Variants in SNAP91 observed in about 807,000 individuals in gnomAD.
SNAP91 encodes the protein synaptosome associated protein 91.
SNAP91 carries 27 observed loss-of-function variants against 100.3 expected under a neutral mutation model. That is an observed-to-expected ratio of 0.27 (90% confidence interval 0.20 to 0.37). The LOEUF (loss-of-function observed/expected upper bound fraction) is 0.37. Among genes scored for constraint, SNAP91 ranks in the 10% least tolerant of loss-of-function variants. SNAP91 has a pLI of 1.00. For missense variants in SNAP91, 986 were observed against 1,123.7 expected (o/e 0.88, Z 1.75); for synonymous variants, 404 against 398.6 (o/e 1.01, Z -0.16).
chr6:83,660,219 C>A lies in SNAP91; in HGVS notation c.453-1127G>T, dbSNP rs574024941. Among the ~76,000 whole-genome samples, 6 of 152,282 alleles carry A rather than the reference C, an allele frequency of 3.9e-5. No individual in the cohort carries two copies. The South Asian group carries it at 1.2e-3, about 32-fold the overall frequency. ...GAGGTCACAATGCAGCTGGGAACATCAGCAATGGTTGCATGGTGCCATGTA... is the reference window on the plus strand; with the variant it reads ...GAGGTCACAATGCAGCTGGGAACATAAGCAATGGTTGCATGGTGCCATGTA... On this transcript the variant is annotated intron_variant, in intron 5 of 29. Coordinates refer to ENST00000369694, the MANE Select transcript of SNAP91 (RefSeq NM_001242792.2).
chr6:83,704,384 T>C (rs2099353834), intron 2 of SNAP91, among the ~76,000 whole-genome samples: 1 of 152,164 alleles, frequency 6.6e-6, no homozygotes, highest in Admixed American at 6.5e-5. Flanking sequence ...CCATAAAATA[T>C]ATAATCCTTA....
At chr6:83,701,943 G>A (rs760823144) in intron 2 of SNAP91, among the ~76,000 whole-genome samples, 3 of 152,178 alleles carry the variant, frequency 2.0e-5, no homozygotes, top group Non-Finnish European at 4.4e-5. Context: ...TCAAGGAAGA[G>A]TCGTAATTTC....
intron 8 of SNAP91, among the ~76,000 whole-genome samples, chr6:83,634,441 T>C (rs2097347646): frequency 6.6e-6 from 1 of 152,166 alleles, no homozygotes. Context: ...ATTTGGGGTG[T>C]CTTCTGGGTC....
intron 22 of SNAP91, among the ~76,000 whole-genome samples, chr6:83,585,853 CTTTTT>C (rs1045371745): frequency 7.3e-6 from 1 of 137,182 alleles, no homozygotes; most frequent in African/African-American, 2.7e-5. Context: ...TTTTTTCTTT[CTTTTT>C]TTTTTTTTTT....
chr6:83,664,951 G>A (rs983593961), intron 3 of SNAP91, among the ~76,000 whole-genome samples: 1 of 152,032 alleles, frequency 6.6e-6, no homozygotes, highest in Non-Finnish European at 1.5e-5. Flanking sequence ...TCAATATCAG[G>A]GCAAGACCTT....
chr6:83,655,506 G>C (rs1364369169), intron 7 of SNAP91, among the ~76,000 whole-genome samples: 2 of 152,144 alleles, frequency 1.3e-5, no homozygotes, highest in Admixed American at 1.3e-4. Context: ...CTTTGGAGTA[G>C]GGCTATGTCT....
chr6:83,647,803 A>C (rs1311028812), intron 7 of SNAP91, among the ~76,000 whole-genome samples: 3 of 152,128 alleles, frequency 2.0e-5, no homozygotes, highest in African/African-American at 7.2e-5. Context: ...TGCTGCTATC[A>C]TGGAATACCA....
intron 11 of SNAP91, 30 bp downstream of exon 11, chr6:83,614,827 T>C (rs1463386932): frequency 5.8e-6 from 9 of 1,546,846 alleles, no homozygotes; most frequent in Admixed American, 1.8e-5. Context: ...AATTACCAAA[T>C]GCAAAAAACT....
At position 83,592,527 on chromosome 6, in the gene SNAP91, C is replaced by G. The variant is rs1422093803; in HGVS notation, c.1858G>C (p.Ala620Pro). 1.2e-6 allele frequency: 2 copies of G among 1,607,906 alleles called. No homozygotes were observed. The highest frequency in any genetic ancestry group is 4.5e-5 in the East Asian group (2 of 44,720). ...TADLLSVDAF[A>P]APSPATTASP... Reference sequence around the variant, plus strand: ...GCAGTGGTTGCAGGAGATGGTGCTGCAAATGCATCCACTGCAGTGAAGCAC... The same window carrying G: ...GCAGTGGTTGCAGGAGATGGTGCTGGAAATGCATCCACTGCAGTGAAGCAC... Residue 620 changes from alanine (A) to proline (P), a missense_variant, in exon 21 of 30, where the codon GCA (alanine) becomes CCA (proline). This residue lies in a region of SNAP91 where 575 missense variants were observed against 579.9 expected (regional missense o/e 0.99). Coordinates refer to ENST00000369694, the MANE Select transcript of SNAP91 (RefSeq NM_001242792.2).
intron 6 of SNAP91, 79 bp from the exon 7 acceptor site, chr6:83,656,944 A>T: frequency 1.6e-6 from 1 of 613,942 alleles, no homozygotes; most frequent in Non-Finnish European, 2.8e-6. Context: ...AAATGTCTCA[A>T]ATGACTACTA....
At position 83,704,556 on chromosome 6, in the gene SNAP91, A is replaced by G. The variant is rs7772267; in HGVS notation, c.130+3242T>C. On this transcript the variant is annotated intron_variant, in intron 2 of 29. Transcript: ENST00000369694. ...ATCATATATCTTTAAGAATCATTTT[A>G]TAAGTCACCATGACTAACAATAATA... 6.9e-3 allele frequency among the ~76,000 whole-genome samples: 1,054 copies of G among 152,300 alleles called. 9 individuals carry two copies. Among genetic ancestry groups the G allele is most frequent in the African/African-American group, 0.024 (989 of 41,574 alleles).
chr6:83,637,981 G>A (rs915952689), intron 8 of SNAP91, among the ~76,000 whole-genome samples: 5 of 152,162 alleles, frequency 3.3e-5, no homozygotes, highest in Admixed American at 2.6e-4. Context: ...GTAGGGAAGC[G>A]CGGGGGCTGC....
intron 4 of SNAP91, 43 bp from the exon 5 acceptor site, chr6:83,661,647 C>T (rs201872118): frequency 4.4e-6 from 5 of 1,146,492 alleles, no homozygotes; most frequent in Middle Eastern, 2.0e-4. Context: ...TAATAAAATA[C>T]CTTCAACTGT....
At chr6:83,601,110 G>A (rs969891247) in intron 16 of SNAP91, among the ~76,000 whole-genome samples, 161 bp downstream of exon 16, 2 of 152,212 alleles carry the variant, frequency 1.3e-5, no homozygotes, top group Non-Finnish European at 2.9e-5. Context: ...TGAAGAGAAA[G>A]TTGATGAATT....
chr6:83,672,307 C>A (rs1292367430), intron 2 of SNAP91, among the ~76,000 whole-genome samples: 1 of 152,032 alleles, frequency 6.6e-6, no homozygotes, highest in African/African-American at 2.4e-5. Context: ...CTCTTCCATG[C>A]AAGTAAGGCA....
chr6:83,657,966 G>A (rs2128712301), intron 6 of SNAP91, among the ~76,000 whole-genome samples: 1 of 140,228 alleles, frequency 7.1e-6, no homozygotes, highest in African/African-American at 2.6e-5. Flanking sequence ...TTTTAGTAGA[G>A]ACAGAGTTTC....
chr6:83,569,076 A>C (rs910480519), intron 26 of SNAP91, among the ~76,000 whole-genome samples: 1 of 152,236 alleles, frequency 6.6e-6, no homozygotes, highest in Non-Finnish European at 1.5e-5. Flanking sequence ...CTTTGTAAAA[A>C]ATAAAATGGA....
intron 2 of SNAP91, among the ~76,000 whole-genome samples, chr6:83,690,669 G>A (rs2099118898): frequency 6.6e-6 from 1 of 151,934 alleles, no homozygotes; most frequent in South Asian, 2.1e-4. Context: ...CTTATAATGG[G>A]CAATTTCTGC....
intron 7 of SNAP91, among the ~76,000 whole-genome samples, chr6:83,652,132 T>G (rs1264508348): frequency 6.6e-6 from 1 of 152,082 alleles, no homozygotes; most frequent in Non-Finnish European, 1.5e-5. Flanking sequence ...TATAGTTGGG[T>G]CTTGTTTTTA....
Sources: allele counts gnomAD v4.1 joint callset (sites outside exome capture counted in the v4.1 genomes callset), GRCh38; gene constraint gnomAD v4.1.1; regional missense constraint gnomAD v4.1.1; transcripts MANE v1.5; gene names NCBI Gene and HGNC (gene_info 2026-07-23, HGNC 2026-07-21).